PPP2R3B: variants seen among roughly 807,000 people sequenced by gnomAD.
PPP2R3B encodes the protein protein phosphatase 2 regulatory subunit B''beta, also known as serine/threonine-protein phosphatase 2A regulatory subunit B'' subunit beta.
PPP2R3B carries 68 observed loss-of-function variants against 72.9 expected under a neutral mutation model. The observed-to-expected ratio is 0.93, with a 90% CI of 0.77 to 1.14. PPP2R3B has a LOEUF of 1.14. Among genes scored for constraint, PPP2R3B ranks in the 50% most tolerant of loss-of-function variants. The probability of loss-of-function intolerance (pLI) is 0.00; values close to 1 mark genes in which losing one functional copy is unlikely to be tolerated. For synonymous variants in PPP2R3B, 466 were observed against 375.8 expected, an observed-to-expected ratio of 1.24 and a Z score of -2.78; for missense variants, 1,018 against 842.0, an observed-to-expected ratio of 1.21 and a Z score of -2.59.
rs1169427052 is a variant in PPP2R3B, at chrX:386,737, C to T, written c.-46G>A. 5.9e-6 allele frequency: 7 copies of T among 1,179,650 alleles called. No individual in the cohort carries two copies. In the African/African-American group the frequency reaches 9.7e-5, roughly 16 times the overall value. 73.1% of individuals were successfully genotyped at this position (1,179,650 alleles called of 1,614,324 possible). A position where few individuals can be genotyped will look rare whatever the true frequency, so the allele number is the denominator to read the frequency against. ...CGCCCCCGGACGCCCGCGCCCCGCC[C>T]CGCCCCGGGGGCTTCGGTCCGCCCC... On this transcript the variant is annotated 5_prime_UTR_variant, in exon 1 of 13. Transcript: ENST00000390665.
intron 1 of PPP2R3B, among the ~76,000 whole-genome samples, chrX:364,011 C>G (rs1253025937): frequency 6.6e-6 from 1 of 152,264 alleles, no homozygotes; most frequent in East Asian, 1.9e-4. Flanking sequence ...AGGAGGACAC[C>G]TCAGGCCACA....
intron 2 of PPP2R3B, among the ~76,000 whole-genome samples, chrX:352,593 A>G (rs972002762): frequency 5.8e-5 from 6 of 103,224 alleles, no homozygotes; most frequent in Non-Finnish European, 1.2e-4. Context: ...CTATTCCATT[A>G]TGGCTCTGCT....
At chrX:364,307 C>G (rs771882506) in intron 1 of PPP2R3B, among the ~76,000 whole-genome samples, 1 of 152,072 alleles carries the variant, frequency 6.6e-6, no homozygotes. Flanking sequence ...AGTTCTCCCC[C>G]GAGAACTGAC....
rs900641620 is a variant in PPP2R3B at position 386,775 on chromosome X, G to C, written c.-84C>G. 2.0e-5 allele frequency: 18 copies of C among 881,058 alleles called. 1 individual carries two copies. The African/African-American group carries it at 2.3e-4, about 11-fold the overall frequency. The allele number at this position is 881,058 out of a possible 1,614,324, so 54.6% of individuals were successfully genotyped here. On this transcript the variant is annotated 5_prime_UTR_variant, in exon 1 of 13. Transcript: ENST00000390665. ...TTCGGTCCGCCCCGGACCGACCTCG[G>C]TGATGCGAGCACGGCCCGCTGAGGG... is the stretch of plus-strand genomic sequence containing the variant.
At chrX:348,442 G>A (rs1162056091) in intron 2 of PPP2R3B, among the ~76,000 whole-genome samples, 1 of 151,976 alleles carries the variant, frequency 6.6e-6, no homozygotes, top group Non-Finnish European at 1.5e-5. Flanking sequence ...CTGGCATGGT[G>A]GCGGGCGCCT....
At chrX:345,404 G>C in intron 7 of PPP2R3B, 112 bp downstream of exon 7, 1 of 1,404,098 alleles carries the variant, frequency 7.1e-7, no homozygotes, top group Non-Finnish European at 9.8e-7. Context: ...AGAGGCAGCT[G>C]CAGACACAGA....
intron 5 of PPP2R3B, 82 bp from the exon 6 acceptor site, chrX:346,342 G>C (rs2047447799): frequency 7.2e-7 from 1 of 1,395,012 alleles, no homozygotes; most frequent in Admixed American, 2.0e-5. Flanking sequence ...GCCGGGAGAG[G>C]GGCGCGCCCT....
chrX:349,720 AAAAAT>A (rs1053139561), intron 2 of PPP2R3B, among the ~76,000 whole-genome samples: 3 of 152,246 alleles, frequency 2.0e-5, no homozygotes, highest in Admixed American at 1.3e-4. Flanking sequence ...ACAAACAACT[AAAAAT>A]AAAATCTTCA....
chrX:381,524 G>A (rs934733734), intron 1 of PPP2R3B, among the ~76,000 whole-genome samples: 2 of 151,510 alleles, frequency 1.3e-5, no homozygotes, highest in Non-Finnish European at 2.9e-5. Flanking sequence ...TTGTAGCATG[G>A]AACTGCATCC....
intron 9 of PPP2R3B, 31 bp from the exon 10 acceptor site, chrX:340,971 C>T: frequency 6.2e-7 from 1 of 1,601,102 alleles, no homozygotes; most frequent in Non-Finnish European, 8.5e-7. Context: ...TCAGCCCCTG[C>T]CCTGGGCCCT....
intron 7 of PPP2R3B, chrX:344,851 A>G: frequency 3.3e-6 from 1 of 303,772 alleles, no homozygotes; most frequent in Non-Finnish European, 6.5e-6. Flanking sequence ...TCGGGGAACC[A>G]GGCGTATTAT....
In PPP2R3B at chrX:338,599, C is replaced by T. The variant is rs370402802; in HGVS notation, c.1577+5G>A. The T allele has an allele frequency of 6.3e-7, 1 of 1,599,450 alleles. No individual in the cohort carries two copies. Among genetic ancestry groups the T allele is most frequent in the African/African-American group, 1.4e-5 (1 of 73,210 alleles). The stretch of plus-strand genomic sequence containing the variant: ...TCCCCCCACTCACCCGTCCTCCCCA[C>T]TCACCCGTCCTCCCAGGGCTCTCCC... On this transcript the variant is annotated splice_donor_5th_base_variant and intron_variant, in intron 12 of 12. Coordinates refer to ENST00000390665, the MANE Select transcript of PPP2R3B (RefSeq NM_013239.5).
At chrX:346,571 G>T in intron 5 of PPP2R3B, 130 bp downstream of exon 5, 1 of 880,242 alleles carries the variant, frequency 1.1e-6, no homozygotes, top group Non-Finnish European at 1.7e-6. Context: ...CTCCCAGAGC[G>T]CGGCCGCCTC....
At chrX:341,074 T>TCCCCTGCCCCCTGC in intron 9 of PPP2R3B, 134 bp from the exon 10 acceptor site, 5 of 1,302,060 alleles carry the variant, frequency 3.8e-6, no homozygotes, top group East Asian at 4.9e-5. Flanking sequence ...CGTGCAGGCA[T>TCCCCTGCCCCCTGC]CCCCTGCCCC....
At chrX:362,967 C>T (rs1426900758) in intron 1 of PPP2R3B, among the ~76,000 whole-genome samples, 1 of 152,000 alleles carries the variant, frequency 6.6e-6, no homozygotes, top group African/African-American at 2.4e-5. Context: ...AAGGGTCCCA[C>T]TGACAGCGCC....
intron 1 of PPP2R3B, among the ~76,000 whole-genome samples, chrX:377,974 A>G (rs1359549998): frequency 1.3e-5 from 2 of 151,164 alleles, no homozygotes; most frequent in African/African-American, 2.4e-5. Context: ...GGCCGTCTAC[A>G]GTGGGGCCGC....
intron 2 of PPP2R3B, among the ~76,000 whole-genome samples, chrX:360,066 C>T (rs1281573700): frequency 2.0e-5 from 3 of 152,162 alleles, no homozygotes; most frequent in Non-Finnish European, 4.4e-5. Flanking sequence ...AAAGGACTCA[C>T]AAGAAAACTA....
At chrX:338,451 G>T (rs2070949351) in intron 12 of PPP2R3B, 153 bp downstream of exon 12, 1 of 749,248 alleles carries the variant, frequency 1.3e-6, no homozygotes, top group African/African-American at 1.7e-5. Flanking sequence ...CCCCGTGTCA[G>T]GTCTCACCCC....
intron 2 of PPP2R3B, among the ~76,000 whole-genome samples, chrX:353,846 C>A (rs1202148670): frequency 7.7e-6 from 1 of 129,762 alleles, no homozygotes; most frequent in East Asian, 2.4e-4. Context: ...CCGGGGCTCG[C>A]CCAGGGACCG....
Sources: gnomAD v4.1 joint callset for allele counts (sites outside exome capture counted in the v4.1 genomes callset) on GRCh38, gnomAD v4.1.1 for gene constraint, MANE v1.5 for transcripts, NCBI Gene and HGNC (gene_info 2026-07-23, HGNC 2026-07-21) for gene names.